The following GRM7 variants were observed in gnomAD, a reference collection of about 807,000 sequenced individuals.
GRM7 encodes the protein metabotropic glutamate receptor 7.
GRM7 carries 35 observed loss-of-function variants against 84.5 expected under a neutral mutation model. The observed-to-expected ratio is 0.41, with a 90% CI of 0.32 to 0.55. GRM7 has a LOEUF of 0.55. Among genes scored for constraint, GRM7 ranks in the 20% least tolerant of loss-of-function variants. The probability of loss-of-function intolerance (pLI) is 0.19; values close to 1 mark genes in which losing one functional copy is unlikely to be tolerated. For missense variants in GRM7, 1,003 were observed against 1,194.6 expected (o/e 0.84, Z 2.36); for synonymous variants, 487 against 455.1 (o/e 1.07, Z -0.89).
At chr3:6,910,355 G>A (rs1696726327) in intron 1 of GRM7, among the ~76,000 whole-genome samples, 1 of 152,126 alleles carries the variant, frequency 6.6e-6, no homozygotes, top group African/African-American at 2.4e-5. Context: ...ATGTAGTTCA[G>A]GCAATTATTT....
At chr3:6,949,403 TAG>T (rs1692613533) in intron 1 of GRM7, among the ~76,000 whole-genome samples, 1 of 152,208 alleles carries the variant, frequency 6.6e-6, no homozygotes, top group Non-Finnish European at 1.5e-5. Flanking sequence ...TTCTGGCTTG[TAG>T]AGTTTCTGCT....
At chr3:7,055,158 T>C (rs1279546347) in intron 1 of GRM7, among the ~76,000 whole-genome samples, 1 of 152,066 alleles carries the variant, frequency 6.6e-6, no homozygotes, top group African/African-American at 2.4e-5. Context: ...AGCGTTCTAG[T>C]TAATGTACCA....
chr3:7,580,064 A>G (rs1695172234), intron 8 of GRM7, among the ~76,000 whole-genome samples: 1 of 152,230 alleles, frequency 6.6e-6, no homozygotes, highest in South Asian at 2.1e-4. Context: ...TTTGAGGCCA[A>G]CATATTTGCT....
chr3:7,399,246 C>T (rs1695346514), intron 4 of GRM7, among the ~76,000 whole-genome samples: 1 of 152,032 alleles, frequency 6.6e-6, no homozygotes, highest in African/African-American at 2.4e-5. Flanking sequence ...AATCCACCCT[C>T]TACCTTGTTC....
chr3:7,732,963 C>T (rs1702380898), intron 9 of GRM7, among the ~76,000 whole-genome samples: 1 of 152,316 alleles, frequency 6.6e-6, no homozygotes. Context: ...TTATTCATTC[C>T]TCCCCTTTTT....
chr3:7,550,571 C>G (rs866018947), intron 7 of GRM7, among the ~76,000 whole-genome samples: 1,201 of 86,994 alleles, frequency 0.014, 16 homozygotes, highest in African/African-American at 0.023. Flanking sequence ...CTCTCTCTCT[C>G]TCTCTCTGTG....
intron 8 of GRM7, among the ~76,000 whole-genome samples, chr3:7,663,394 G>T (rs529889703): frequency 6.6e-6 from 1 of 152,168 alleles, no homozygotes; most frequent in Non-Finnish European, 1.5e-5. Context: ...ACGTAAGCAA[G>T]CTAAATCTCT....
chr3:7,214,999 T>C (rs1366295375), intron 2 of GRM7, among the ~76,000 whole-genome samples: 2 of 152,216 alleles, frequency 1.3e-5, no homozygotes, highest in African/African-American at 2.4e-5. Flanking sequence ...GTGAGAAATA[T>C]ATCTTATTTC....
Position 6,893,799 on chromosome 3 carries a change from G to A in GRM7, c.519+31892G>A, listed in dbSNP as rs138448437. On this transcript the variant is annotated intron_variant, in intron 1 of 9. Coordinates refer to ENST00000357716, the MANE Select transcript of GRM7 (RefSeq NM_000844.4). ...CTAACAATAACACTAATAATTATAA[G>A]CTGTTGAAAAATTCATCAGACCCTA... 4.1e-3 allele frequency: 624 copies of A among 152,154 alleles called. 7 individuals are homozygous for A. The highest frequency in any genetic ancestry group is 0.014 in the African/African-American group (589 of 41,524). 9.4% of individuals were successfully genotyped at this position (152,154 alleles called of 1,614,324 possible). A position where few individuals can be genotyped will look rare whatever the true frequency, so the allele number is the denominator to read the frequency against.
chr3:7,481,024 C>T (rs910645001), intron 7 of GRM7, among the ~76,000 whole-genome samples: 29 of 151,380 alleles, frequency 1.9e-4, no homozygotes, highest in Admixed American at 3.3e-4. Flanking sequence ...TGGGCAAACA[C>T]GGACAGGGCC....
intron 1 of GRM7, among the ~76,000 whole-genome samples, chr3:6,869,089 G>C (rs947813715): frequency 6.6e-6 from 1 of 152,046 alleles, no homozygotes; most frequent in Non-Finnish European, 1.5e-5. Flanking sequence ...TGTTCTGAAG[G>C]GGTTAGCTCA....
chr3:7,472,750 A>T (rs1457057035), intron 7 of GRM7, among the ~76,000 whole-genome samples: 1 of 152,222 alleles, frequency 6.6e-6, no homozygotes, highest in African/African-American at 2.4e-5. Context: ...TCTCTTCCTG[A>T]TCCCACCTTA....
At position 7,151,845 on chromosome 3, in the gene GRM7, A is replaced by G. The variant is rs565444214; in HGVS notation, c.736+5177A>G. The stretch of plus-strand genomic sequence containing the variant: ...ACCATTATTTCCTCTCACCATTCCT[A>G]TATAAAACTGATAGCAGTATGGTGC... On this transcript the variant is annotated intron_variant, in intron 2 of 9. Coordinates refer to ENST00000357716, the MANE Select transcript of GRM7 (RefSeq NM_000844.4). This position sits in a 1 kb window ranked among gnomAD's most constrained non-coding sequence, Gnocchi z 4.5. Among the ~76,000 whole-genome samples the G allele has an allele frequency of 3.0e-4, 46 of 152,102 alleles. No homozygotes were observed. The highest frequency in any genetic ancestry group is 5.4e-4 in the Non-Finnish European group (37 of 68,008).
At chr3:7,246,090 A>AT (rs1008471116) in intron 2 of GRM7, among the ~76,000 whole-genome samples, 3 of 152,066 alleles carry the variant, frequency 2.0e-5, no homozygotes, top group Admixed American at 6.6e-5. Flanking sequence ...CTTTAACACA[A>AT]TTTTTTTTCT....
intron 1 of GRM7, among the ~76,000 whole-genome samples, chr3:7,024,733 C>T (rs777962945): frequency 9.2e-5 from 14 of 152,186 alleles, no homozygotes; most frequent in Non-Finnish European, 1.9e-4. Flanking sequence ...ATCATTTTCC[C>T]GTAACTCTAA....
At chr3:7,269,294 T>C (rs527801180) in intron 2 of GRM7, among the ~76,000 whole-genome samples, 1 of 152,334 alleles carries the variant, frequency 6.6e-6, no homozygotes, top group East Asian at 1.9e-4. Context: ...GTGGTCACTC[T>C]CTTGTTCTTT....
At chr3:7,674,990 A>G (rs1206791693) in intron 8 of GRM7, among the ~76,000 whole-genome samples, 2 of 152,238 alleles carry the variant, frequency 1.3e-5, no homozygotes, top group Non-Finnish European at 2.9e-5. Flanking sequence ...ATGGTCAAGC[A>G]TTAACATCCC....
intron 8 of GRM7, among the ~76,000 whole-genome samples, chr3:7,625,158 G>A (rs1697547301): frequency 6.6e-6 from 1 of 152,138 alleles, no homozygotes; most frequent in African/African-American, 2.4e-5. Context: ...GCTGGTAATG[G>A]AATCAAGGAG....
intron 7 of GRM7, among the ~76,000 whole-genome samples, chr3:7,571,787 G>C (rs1694675520): frequency 6.6e-6 from 1 of 152,138 alleles, no homozygotes; most frequent in African/African-American, 2.4e-5. Flanking sequence ...GCTACTGATA[G>C]AGACATACCC....
Sources: allele counts gnomAD v4.1 joint callset (sites outside exome capture counted in the v4.1 genomes callset), GRCh38; gene constraint gnomAD v4.1.1; non-coding constraint Gnocchi (gnomAD v3.1); transcripts MANE v1.5; gene names NCBI Gene and HGNC (gene_info 2026-07-23, HGNC 2026-07-21).